SLCO3A1: variants seen among roughly 807,000 people sequenced by gnomAD.
The protein encoded by SLCO3A1 is solute carrier organic anion transporter family member 3A1, also known as PGE1 transporter.
Under a neutral mutation model 63.1 loss-of-function variants are expected in SLCO3A1, and 27 were observed. The observed-to-expected ratio is 0.43, with a 90% confidence interval of 0.32 to 0.59. The LOEUF is 0.59. Ranked by LOEUF, SLCO3A1 falls within the 20% of genes least tolerant of loss-of-function variation. The pLI is 0.09. For missense variants in SLCO3A1, 773 were observed against 945.8 expected, an observed-to-expected ratio of 0.82 and a Z score of 2.40; for synonymous variants, 473 against 409.9, an observed-to-expected ratio of 1.15 and a Z score of -1.86.
intron 1 of SLCO3A1, among the ~76,000 whole-genome samples, chr15:91,887,396 C>A (rs1178602272): frequency 1.3e-5 from 2 of 152,048 alleles, no homozygotes; most frequent in Admixed American, 6.5e-5. Flanking sequence ...CCCCTCTTTG[C>A]TTGCCTGCCT....
At chr15:91,966,692 A>C (rs17596569) in intron 2 of SLCO3A1, among the ~76,000 whole-genome samples, 9,365 of 152,304 alleles carry the variant, frequency 0.061, 409 homozygotes, top group Non-Finnish European at 0.091. Flanking sequence ...CCTTAGGAGC[A>C]GTAACCATTC....
intron 1 of SLCO3A1, among the ~76,000 whole-genome samples, chr15:91,876,826 G>A (rs935419285): frequency 7.2e-5 from 11 of 152,234 alleles, no homozygotes; most frequent in African/African-American, 2.7e-4. Context: ...TGTCCAGCAT[G>A]GATGTGGCCT....
chr15:91,961,939 G>C (rs1900462859), intron 2 of SLCO3A1, among the ~76,000 whole-genome samples: 3 of 152,220 alleles, frequency 2.0e-5, no homozygotes, highest in Non-Finnish European at 2.9e-5. Flanking sequence ...CCCTGGGACA[G>C]AGGTATTATA....
chr15:92,074,460 G>C (rs1024128895), intron 2 of SLCO3A1, among the ~76,000 whole-genome samples: 2 of 152,168 alleles, frequency 1.3e-5, no homozygotes, highest in Non-Finnish European at 2.9e-5. Context: ...TATGAGGATC[G>C]TTTCTCCAGT....
At chr15:92,158,155 T>G (rs1466395625) in intron 9 of SLCO3A1, among the ~76,000 whole-genome samples, 4 of 152,294 alleles carry the variant, frequency 2.6e-5, no homozygotes, top group Non-Finnish European at 4.4e-5. Flanking sequence ...TCTCCCAGCC[T>G]TCTCTATGTA....
At chr15:92,159,620 G>A (rs948009105) in intron 9 of SLCO3A1, among the ~76,000 whole-genome samples, 8 of 138,368 alleles carry the variant, frequency 5.8e-5, no homozygotes, top group Admixed American at 4.6e-4. Context: ...AGCCTGGAAT[G>A]CAGTGGCGTG....
intron 2 of SLCO3A1, among the ~76,000 whole-genome samples, chr15:91,982,730 A>C (rs1052773167): frequency 2.0e-5 from 3 of 152,258 alleles, no homozygotes; most frequent in African/African-American, 7.2e-5. Context: ...ATTTGAGTGA[A>C]GCACAGGCTA....
intron 2 of SLCO3A1, among the ~76,000 whole-genome samples, chr15:92,072,297 T>C (rs2047226101): frequency 6.6e-6 from 1 of 151,986 alleles, no homozygotes. Context: ...CAACCTTTGT[T>C]TTCTTTTTCT....
At chr15:92,130,926 AAC>A (rs2151571056) in intron 7 of SLCO3A1, among the ~76,000 whole-genome samples, 1 of 150,758 alleles carries the variant, frequency 6.6e-6, no homozygotes, top group East Asian at 1.9e-4. Context: ...GACAAGCTAA[AAC>A]CTTTCACCTC....
At position 91,853,899 on chromosome 15, in the gene SLCO3A1, C is replaced by T. The variant is rs1236561240; in HGVS notation, c.-10C>T. On this transcript the variant is annotated 5_prime_UTR_variant, in exon 1 of 10. Coordinates refer to ENST00000318445, the MANE Select transcript of SLCO3A1 (RefSeq NM_013272.4). ...GCAGCGGCGGCGGCGGCGGCGGCGG[C>T]GGGGGAAGGATGCAGGGGAAGAAGC... 1.6e-5 allele frequency: 22 copies of T among 1,336,158 alleles called. No homozygotes were observed. In the East Asian group the frequency reaches 1.9e-4, roughly 12 times the overall value. The allele number at this position is 1,336,158 out of a possible 1,614,324, so 82.8% of individuals were successfully genotyped here.
intron 1 of SLCO3A1, among the ~76,000 whole-genome samples, chr15:91,899,807 C>G (rs1268393569): frequency 2.0e-5 from 3 of 152,176 alleles, no homozygotes; most frequent in African/African-American, 7.2e-5. Context: ...CTTTCTTTCT[C>G]CATAGCTTTC....
At chr15:92,109,208 A>G (rs573448724) in intron 4 of SLCO3A1, among the ~76,000 whole-genome samples, 1 of 152,264 alleles carries the variant, frequency 6.6e-6, no homozygotes, top group East Asian at 1.9e-4. Flanking sequence ...CAGTAAGGCA[A>G]GTGAGGCTTG....
At chr15:92,024,795 C>G (rs1049960980) in intron 2 of SLCO3A1, among the ~76,000 whole-genome samples, 22 of 152,168 alleles carry the variant, frequency 1.4e-4, no homozygotes, top group African/African-American at 4.8e-4. Flanking sequence ...GACATTTGAA[C>G]AGACTTGAAT....
intron 2 of SLCO3A1, among the ~76,000 whole-genome samples, chr15:91,956,054 G>C (rs1483412275): frequency 1.3e-5 from 2 of 152,188 alleles, no homozygotes; most frequent in African/African-American, 4.8e-5. Context: ...AGGACAAGAT[G>C]AGGAGGGAGT....
At chr15:92,025,269 C>T (rs114971702) in intron 2 of SLCO3A1, among the ~76,000 whole-genome samples, 92 of 151,072 alleles carry the variant, frequency 6.1e-4, no homozygotes, top group Middle Eastern at 3.4e-3. Context: ...ATTCAAGAAG[C>T]CAAGAAGCAC....
chr15:91,971,026 C>T (rs1370489100), intron 2 of SLCO3A1, among the ~76,000 whole-genome samples: 3 of 152,152 alleles, frequency 2.0e-5, no homozygotes, highest in African/African-American at 4.8e-5. Flanking sequence ...TCAATACTCA[C>T]GGCACCTTTG....
chr15:91,938,331 A>G (rs1899488868), intron 2 of SLCO3A1, among the ~76,000 whole-genome samples: 1 of 152,136 alleles, frequency 6.6e-6, no homozygotes, highest in Non-Finnish European at 1.5e-5. Flanking sequence ...CCTTCTCCCA[A>G]ATTTCCTGGT....
intron 2 of SLCO3A1, among the ~76,000 whole-genome samples, chr15:92,017,237 G>A (rs185366595): frequency 5.9e-5 from 9 of 151,570 alleles, no homozygotes; most frequent in African/African-American, 1.2e-4. Context: ...TCAAAGGTGC[G>A]GATGATCTTT....
intron 6 of SLCO3A1, among the ~76,000 whole-genome samples, chr15:92,127,953 C>T (rs2047945527): frequency 6.6e-6 from 1 of 152,116 alleles, no homozygotes; most frequent in South Asian, 2.1e-4. Flanking sequence ...AAGCTGAGGC[C>T]TTAGCAATCA....
Sources: gnomAD v4.1 joint callset for allele counts (sites outside exome capture counted in the v4.1 genomes callset) on GRCh38, gnomAD v4.1.1 for gene constraint, MANE v1.5 for transcripts, NCBI Gene and HGNC (gene_info 2026-07-23, HGNC 2026-07-21) for gene names.